CTTNBP2NL: variants seen among roughly 807,000 people sequenced by gnomAD.
CTTNBP2NL encodes the protein CTTNBP2 N-terminal-like protein.
A neutral mutation model predicts 32.5 loss-of-function variants in CTTNBP2NL; 16 were observed. That is an observed-to-expected ratio of 0.49 (90% CI 0.33 to 0.75). The LOEUF (loss-of-function observed/expected upper bound fraction) is 0.75. CTTNBP2NL is among the 30% of genes least tolerant of loss of function. The probability of loss-of-function intolerance (pLI) is 0.02; values close to 1 mark genes in which losing one functional copy is unlikely to be tolerated. For missense variants in CTTNBP2NL, 645 were observed against 756.0 expected, an observed-to-expected ratio of 0.85 and a Z score of 1.72; for synonymous variants, 298 against 289.4, an observed-to-expected ratio of 1.03 and a Z score of -0.30.
rs1202207047 is a variant in CTTNBP2NL at position 112,460,388 on chromosome 1, G to C, written c.*2976G>C. 1 of 152,126 alleles carries C rather than the reference G, an allele frequency of 6.6e-6. No individual in the cohort carries two copies. The highest frequency in any genetic ancestry group is 1.5e-5 in the Non-Finnish European group (1 of 68,030). 9.4% of individuals were successfully genotyped at this position (152,126 alleles called of 1,614,324 possible). A position where few individuals can be genotyped will look rare whatever the true frequency, so the allele number is the denominator to read the frequency against. ...ACCCATCCAGGTTAGACTCCATAAGGAACTAAGACATTGATTTTCTTTAGA... is the reference window on the plus strand; with the variant it reads ...ACCCATCCAGGTTAGACTCCATAAGCAACTAAGACATTGATTTTCTTTAGA... On this transcript the variant is annotated 3_prime_UTR_variant, in exon 6 of 6. Coordinates refer to ENST00000271277, the MANE Select transcript of CTTNBP2NL (RefSeq NM_018704.3).
upstream of CTTNBP2NL, among the ~76,000 whole-genome samples, chr1:112,393,258 T>C (rs926331049): frequency 6.6e-6 from 1 of 152,200 alleles, no homozygotes; most frequent in Non-Finnish European, 1.5e-5. Context: ...GATGACAGAA[T>C]AAGAACTAGA....
intron 3 of CTTNBP2NL, among the ~76,000 whole-genome samples, chr1:112,421,778 A>G (rs1300829443): frequency 2.0e-5 from 3 of 152,182 alleles, no homozygotes; most frequent in Non-Finnish European, 4.4e-5. Flanking sequence ...CCACACACCC[A>G]AAAGCATGTA....
At chr1:112,420,556 C>T (rs1360640355) in intron 3 of CTTNBP2NL, among the ~76,000 whole-genome samples, 5 of 152,104 alleles carry the variant, frequency 3.3e-5, no homozygotes, top group Non-Finnish European at 7.4e-5. Flanking sequence ...GCAGCCTCAA[C>T]CTGCTGGACT....
In CTTNBP2NL at chr1:112,456,349, C is replaced by T. The variant is rs761978404; in HGVS notation, c.857C>T (p.Pro286Leu). ...GAGGCTTCCCACCAGCACAGTAGCC[C>T]TAATGAGCAATTGAAGAAACCAGTA... ...DLEASHQHSS[P>L]NEQLKKPVTV... Residue 286 changes from proline to leucine, a missense_variant, in exon 6 of 6, where the codon CCT (proline) becomes CTT (leucine). By Grantham distance (98) the Pro-to-Leu change is moderately conservative. Coordinates refer to ENST00000271277, the MANE Select transcript of CTTNBP2NL (RefSeq NM_018704.3). 1.9e-6 allele frequency: 3 copies of T among 1,613,982 alleles called. No individual in the cohort carries two copies. The highest frequency in any genetic ancestry group is 2.5e-6 in the Non-Finnish European group (3 of 1,180,018).
chr1:112,438,708 C>T (rs1284623042), intron 3 of CTTNBP2NL, among the ~76,000 whole-genome samples: 2 of 152,134 alleles, frequency 1.3e-5, no homozygotes, highest in African/African-American at 4.8e-5. Flanking sequence ...TTGTATACTT[C>T]TGTTATGAAC....
At chr1:112,397,514 A>G (rs962583362) in intron 1 of CTTNBP2NL, among the ~76,000 whole-genome samples, 14 of 152,184 alleles carry the variant, frequency 9.2e-5, no homozygotes, top group South Asian at 2.1e-4. Context: ...AGTAAGAACA[A>G]TTTTTAAATC....
upstream of CTTNBP2NL, among the ~76,000 whole-genome samples, chr1:112,395,356 C>T (rs1021645147): frequency 1.3e-5 from 2 of 152,160 alleles, no homozygotes; most frequent in African/African-American, 4.8e-5. Flanking sequence ...CATCCACTCC[C>T]CTCTCTGAGT....
intron 1 of CTTNBP2NL, among the ~76,000 whole-genome samples, chr1:112,398,512 G>A (rs2492508): frequency 0.13 from 19,635 of 152,138 alleles, 4,157 homozygotes; most frequent in African/African-American, 0.44. Context: ...AGACTGAAAG[G>A]CAATGTACTG....
chr1:112,411,292 T>C (rs1345996992), intron 1 of CTTNBP2NL, among the ~76,000 whole-genome samples: 1 of 152,230 alleles, frequency 6.6e-6, no homozygotes, highest in Non-Finnish European at 1.5e-5. Flanking sequence ...CTTTCAGACT[T>C]AGTGCCTTAA....
intron 3 of CTTNBP2NL, among the ~76,000 whole-genome samples, chr1:112,433,440 A>G (rs1419552562): frequency 2.6e-5 from 4 of 152,202 alleles, no homozygotes; most frequent in Non-Finnish European, 5.9e-5. Context: ...CTAAAATACA[A>G]CAATTAACCA....
At chr1:112,394,468 A>G (rs2492504), upstream of CTTNBP2NL, among the ~76,000 whole-genome samples, 70,653 of 152,060 alleles carry the variant, frequency 0.46, 19,001 homozygotes, top group African/African-American at 0.75. Flanking sequence ...TTTCAAGTCA[A>G]TATTTATTGA....
intron 1 of CTTNBP2NL, among the ~76,000 whole-genome samples, chr1:112,399,241 C>G (rs1204751561): frequency 6.7e-6 from 1 of 149,448 alleles, no homozygotes; most frequent in African/African-American, 2.5e-5. Flanking sequence ...ATTGCTTGAA[C>G]CCAGGAGGCA....
chr1:112,391,158 A>C, the CTTNBP2NL span, among the ~76,000 whole-genome samples: 1 of 152,182 alleles, frequency 6.6e-6, no homozygotes. Context: ...ATGGGAGAAA[A>C]TGCAGAAATG....
At chr1:112,442,532 A>G (rs1279047289) in intron 3 of CTTNBP2NL, among the ~76,000 whole-genome samples, 1 of 152,190 alleles carries the variant, frequency 6.6e-6, no homozygotes, top group Non-Finnish European at 1.5e-5. Context: ...GACTCAGTCC[A>G]GAATGTACAT....
At position 112,417,993 on chromosome 1, in the gene CTTNBP2NL, T is replaced by C. The variant is rs185617287; in HGVS notation, c.99+1729T>C. 7.2e-3 allele frequency among the ~76,000 whole-genome samples: 1,097 copies of C among 152,328 alleles called. 11 individuals are homozygous for C. The highest frequency in any genetic ancestry group is 0.025 in the African/African-American group (1,034 of 41,592). On this transcript the variant is annotated intron_variant, in intron 3 of 5. Transcript: ENST00000271277. The stretch of plus-strand genomic sequence containing the variant: ...CCTTTTAATATTGGTTCTTAATTGA[T>C]GCTTAGTCGGTTGAAAAGGTTTTGG...
chr1:112,426,721 C>G lies in CTTNBP2NL; in HGVS notation c.99+10457C>G, dbSNP rs577072422. Among the ~76,000 whole-genome samples the G allele has an allele frequency of 3.3e-5, 5 of 151,652 alleles. No homozygotes were observed. In the Middle Eastern group the frequency reaches 0.01, roughly 309 times the overall value. On this transcript the variant is annotated intron_variant, in intron 3 of 5. Coordinates refer to ENST00000271277, the MANE Select transcript of CTTNBP2NL (RefSeq NM_018704.3). ...TCCTGGATTCAAATGATTCTCCTGC[C>G]TCAGCCTCCTGAGTAACTGGGATTA...
intron 1 of CTTNBP2NL, among the ~76,000 whole-genome samples, chr1:112,403,161 C>G (rs12119865): frequency 0.28 from 43,098 of 152,040 alleles, 6,584 homozygotes; most frequent in East Asian, 0.55. Flanking sequence ...CTAGTTCATA[C>G]ATTTTTGCCT....
intron 3 of CTTNBP2NL, among the ~76,000 whole-genome samples, chr1:112,430,211 CTTTT>C (rs1649526165): frequency 2.7e-5 from 1 of 36,736 alleles, no homozygotes; most frequent in Admixed American, 3.4e-4. Context: ...CTTTTCTTTT[CTTTT>C]CTTTTCTTGT....
chr1:112,417,749 G>A (rs892841498), intron 3 of CTTNBP2NL, among the ~76,000 whole-genome samples: 4 of 152,122 alleles, frequency 2.6e-5, no homozygotes, highest in African/African-American at 4.8e-5. Context: ...GGGGGCAGCC[G>A]GGATTAAAAT....
Sources: gnomAD v4.1 joint callset for allele counts (sites outside exome capture counted in the v4.1 genomes callset) on GRCh38, gnomAD v4.1.1 for gene constraint, MANE v1.5 for transcripts, NCBI Gene and HGNC (gene_info 2026-07-23, HGNC 2026-07-21) for gene names.